HSD17B3: variants seen among roughly 807,000 people sequenced by gnomAD.
HSD17B3 encodes the protein 17-beta-hydroxysteroid dehydrogenase type 3.
HSD17B3 carries 29 observed loss-of-function variants against 41.1 expected under a neutral mutation model. That is an observed-to-expected ratio of 0.71 (90% CI 0.53 to 0.96). The LOEUF (loss-of-function observed/expected upper bound fraction) is 0.96. Ranked by LOEUF, HSD17B3 falls within the 40% of genes least tolerant of loss-of-function variation. The pLI, the probability that HSD17B3 is intolerant of heterozygous loss-of-function variation, is 0.00. For missense variants in HSD17B3, 323 were observed against 374.6 expected, an observed-to-expected ratio of 0.86 and a Z score of 1.14; for synonymous variants, 126 against 145.6, an observed-to-expected ratio of 0.87 and a Z score of 0.97.
chr9:96,269,658 C>A (rs1054387413), intron 2 of HSD17B3, among the ~76,000 whole-genome samples: 3 of 152,022 alleles, frequency 2.0e-5, no homozygotes, highest in Admixed American at 6.6e-5. Flanking sequence ...AATCCCAGCA[C>A]TTTGGGAGGC....
intron 10 of HSD17B3, among the ~76,000 whole-genome samples, chr9:96,237,285 C>T (rs957929662): frequency 6.6e-6 from 1 of 152,212 alleles, no homozygotes; most frequent in Non-Finnish European, 1.5e-5. Flanking sequence ...TCTACCCCTT[C>T]CCAGCCTGGA....
intron 2 of HSD17B3, among the ~76,000 whole-genome samples, chr9:96,281,450 T>C (rs1826688164): frequency 6.6e-6 from 1 of 152,074 alleles, no homozygotes; most frequent in African/African-American, 2.4e-5. Context: ...GAGGCCCTTC[T>C]TAATAAAAGG....
chr9:96,236,553 A>G (rs1192607129), intron 10 of HSD17B3, among the ~76,000 whole-genome samples: 1 of 149,680 alleles, frequency 6.7e-6, no homozygotes, highest in Non-Finnish European at 1.5e-5. Context: ...ATAAATAAAT[A>G]AAATGAGGAT....
rs1399257692 is a variant in HSD17B3 at position 96,249,684 on chromosome 9, TCTC to T, written c.489+64_489+66del. 2.1e-6 allele frequency: 3 copies of T among 1,436,752 alleles called. No homozygotes were observed. The East Asian group carries it at 6.8e-5, about 33-fold the overall frequency. The allele number at this position is 1,436,752 out of a possible 1,614,324, so 89.0% of individuals were successfully genotyped here. A position where few individuals can be genotyped will look rare whatever the true frequency, so the allele number is the denominator to read the frequency against. On this transcript the variant is annotated intron_variant, in intron 6 of 10. Coordinates refer to ENST00000375263, the MANE Select transcript of HSD17B3 (RefSeq NM_000197.2). Reference sequence around the variant, plus strand: ...TGCTTCTACAGTGGATGGGCACAATTCTCCTGAGTTGCCAAATTTCAAGTTACT... The same window carrying T: ...TGCTTCTACAGTGGATGGGCACAATTCTGAGTTGCCAAATTTCAAGTTACT...
At chr9:96,250,476 G>T (rs1195876706) in intron 5 of HSD17B3, 10 of 1,059,414 alleles carry the variant, frequency 9.4e-6, no homozygotes, top group African/African-American at 1.6e-5. Flanking sequence ...TACACAGGAC[G>T]ATGGGATACC....
intron 2 of HSD17B3, among the ~76,000 whole-genome samples, chr9:96,290,463 T>TC (rs1323559099): frequency 7.0e-6 from 1 of 143,354 alleles, no homozygotes; most frequent in East Asian, 2.0e-4. Flanking sequence ...GGGCTTTTTT[T>TC]TTTTTTTTTT....
At position 96,279,856 on chromosome 9, in the gene HSD17B3, G is replaced by A. The variant is rs528084641; in HGVS notation, c.201+18560C>T. Among the ~76,000 whole-genome samples the A allele has an allele frequency of 7.9e-4, 119 of 151,482 alleles. 3 individuals are homozygous for A. In the South Asian group the frequency reaches 0.023, roughly 30 times the overall value. On this transcript the variant is annotated intron_variant, in intron 2 of 10. Transcript: ENST00000375263. ...GCGATCTCGGCTCACGGCAAGCTCCGCCTCCCAGGTTCACGCCATTCTCCT... is the reference window on the plus strand; with the variant it reads ...GCGATCTCGGCTCACGGCAAGCTCCACCTCCCAGGTTCACGCCATTCTCCT...
rs567294814 is a variant in HSD17B3 at position 96,256,503 on chromosome 9, CAAATAAAT to C, written c.202-1568_202-1561del. Among the ~76,000 whole-genome samples the C allele has an allele frequency of 2.8e-3, 424 of 151,878 alleles. 1 individual carries two copies. The highest frequency in any genetic ancestry group is 9.8e-3 in the African/African-American group (405 of 41,442). On this transcript the variant is annotated intron_variant, in intron 2 of 10. Transcript: ENST00000375263. The stretch of plus-strand genomic sequence containing the variant: ...ACAAAAAATAAAAAATAAAAATAAA[CAAATAAAT>C]AAATAAATAAATAACTGAGCGTGAT...
intron 2 of HSD17B3, among the ~76,000 whole-genome samples, chr9:96,258,020 T>C (rs1490870930): frequency 6.6e-6 from 1 of 152,214 alleles, no homozygotes; most frequent in Non-Finnish European, 1.5e-5. Flanking sequence ...ATTTGCTATG[T>C]TATGTGTGAA....
intron 2 of HSD17B3, among the ~76,000 whole-genome samples, chr9:96,294,217 A>G (rs1196082562): frequency 6.6e-6 from 1 of 152,020 alleles, no homozygotes; most frequent in Non-Finnish European, 1.5e-5. Flanking sequence ...GAATTTGAGA[A>G]CAGCCTGGCA....
intron 2 of HSD17B3, among the ~76,000 whole-genome samples, chr9:96,272,440 T>A (rs1216260097): frequency 1.0e-5 from 1 of 98,982 alleles, no homozygotes; most frequent in Non-Finnish European, 2.0e-5. Context: ...TATATATATA[T>A]ATATATAAAA....
intron 2 of HSD17B3, among the ~76,000 whole-genome samples, chr9:96,294,688 G>C (rs1428591950): frequency 6.6e-6 from 1 of 152,146 alleles, no homozygotes; most frequent in African/African-American, 2.4e-5. Flanking sequence ...CCTGGTCCAG[G>C]GTGAGAAATC....
At chr9:96,301,388 C>T (rs997938590) in intron 1 of HSD17B3, among the ~76,000 whole-genome samples, 2 of 119,018 alleles carry the variant, frequency 1.7e-5, no homozygotes, top group Non-Finnish European at 3.8e-5. Flanking sequence ...ACCAGCCTAG[C>T]CAACAGGGTG....
intron 1 of HSD17B3, among the ~76,000 whole-genome samples, chr9:96,300,252 A>G (rs930991310): frequency 1.3e-5 from 2 of 150,388 alleles, no homozygotes; most frequent in South Asian, 2.1e-4. Flanking sequence ...ACACACACAC[A>G]CGCACACAGC....
intron 2 of HSD17B3, among the ~76,000 whole-genome samples, chr9:96,268,801 T>C (rs1014952100): frequency 1.3e-5 from 2 of 151,968 alleles, no homozygotes; most frequent in African/African-American, 4.8e-5. Context: ...ATACAAAAAT[T>C]AGCTGCACGT....
At chr9:96,288,611 C>G (rs1827020679) in intron 2 of HSD17B3, among the ~76,000 whole-genome samples, 1 of 151,700 alleles carries the variant, frequency 6.6e-6, no homozygotes, top group Non-Finnish European at 1.5e-5. Context: ...CAAGACACCC[C>G]CACCACCACC....
At position 96,251,409 on chromosome 9, in the gene HSD17B3, C is replaced by T; in HGVS notation, c.453+9G>A. ...AGAGGAATCTATACACAGAAGAGCA[C>T]AAGTCTACCTGGATTTCATCCGGTG... On this transcript the variant is annotated intron_variant, in intron 5 of 10. Transcript: ENST00000375263. 1 of 1,612,740 alleles carries T rather than the reference C, an allele frequency of 6.2e-7. No homozygotes were observed. The highest frequency in any genetic ancestry group is 8.5e-7 in the Non-Finnish European group (1 of 1,178,774).
intron 2 of HSD17B3, among the ~76,000 whole-genome samples, chr9:96,272,405 C>CTCTCTATATA (rs1239816824): frequency 4.6e-5 from 1 of 21,534 alleles, no homozygotes; most frequent in African/African-American, 1.6e-4. Context: ...CTCTCTCTCT[C>CTCTCTATATA]TATATATATA....
chr9:96,266,315 C>T (rs1298544334), intron 2 of HSD17B3, among the ~76,000 whole-genome samples: 1 of 152,178 alleles, frequency 6.6e-6, no homozygotes, highest in African/African-American at 2.4e-5. Flanking sequence ...CTCTGTTACC[C>T]AGGCTGTAGT....
Sources: gnomAD v4.1 joint callset for allele counts (sites outside exome capture counted in the v4.1 genomes callset) on GRCh38, gnomAD v4.1.1 for gene constraint, MANE v1.5 for transcripts, NCBI Gene and HGNC (gene_info 2026-07-23, HGNC 2026-07-21) for gene names.